NRCAM: variants seen among roughly 807,000 people sequenced by gnomAD.
NRCAM encodes the protein neuronal cell adhesion molecule, also known as NgCAM-related cell adhesion molecule.
Under a neutral mutation model 156.5 loss-of-function variants are expected in NRCAM, and 83 were observed. The ratio of observed to expected loss-of-function variants is 0.53; its 90% CI spans 0.44 to 0.64. The LOEUF is 0.64. Among genes scored for constraint, NRCAM ranks in the 30% least tolerant of loss-of-function variants. NRCAM has a pLI of 0.00. For missense variants in NRCAM, 1,417 were observed against 1,597.3 expected, an observed-to-expected ratio of 0.89 and a Z score of 1.92; for synonymous variants, 538 against 563.9, an observed-to-expected ratio of 0.95 and a Z score of 0.65.
chr7:108,170,906 T>C (rs1356557486), intron 28 of NRCAM, among the ~76,000 whole-genome samples: 2 of 152,192 alleles, frequency 1.3e-5, no homozygotes, highest in African/African-American at 4.8e-5. Context: ...CTTTCAGTTA[T>C]AAGATGAACA....
chr7:108,270,909 T>G (rs2154046170), intron 3 of NRCAM, among the ~76,000 whole-genome samples: 1 of 152,168 alleles, frequency 6.6e-6, no homozygotes, highest in East Asian at 1.9e-4. Flanking sequence ...GGGTTTAGAG[T>G]TTCAGCTGGG....
At chr7:108,263,664 A>C (rs2096969272) in intron 3 of NRCAM, among the ~76,000 whole-genome samples, 1 of 152,236 alleles carries the variant, frequency 6.6e-6, no homozygotes, top group East Asian at 1.9e-4. Context: ...ACCACTTAGG[A>C]AGCTAGAAGT....
At chr7:108,242,151 T>C (rs768777422) in intron 3 of NRCAM, among the ~76,000 whole-genome samples, 6 of 150,046 alleles carry the variant, frequency 4.0e-5, no homozygotes, top group Non-Finnish European at 5.9e-5. Flanking sequence ...GGTGGGTGCC[T>C]GTAACCCCAG....
intron 32 of NRCAM, 146 bp from the exon 33 acceptor site, chr7:108,150,293 C>T (rs992813904): frequency 6.9e-5 from 49 of 705,778 alleles, no homozygotes; most frequent in Admixed American, 4.2e-4. Context: ...ACTCCAATGA[C>T]GAGGATGAGT....
chr7:108,266,693 A>G (rs2097118948), intron 3 of NRCAM, among the ~76,000 whole-genome samples: 1 of 152,174 alleles, frequency 6.6e-6, no homozygotes, highest in Non-Finnish European at 1.5e-5. Flanking sequence ...CAGCTTCTAT[A>G]TTTAGAACTG....
intron 2 of NRCAM, among the ~76,000 whole-genome samples, chr7:108,355,536 T>C (rs537526973): frequency 6.6e-6 from 1 of 152,308 alleles, no homozygotes; most frequent in African/African-American, 2.4e-5. Context: ...AGCTTATCCA[T>C]GTCATCAACT....
chr7:108,417,879 AG>A (rs1259909858), intron 1 of NRCAM, among the ~76,000 whole-genome samples: 1 of 152,172 alleles, frequency 6.6e-6, no homozygotes, highest in African/African-American at 2.4e-5. Flanking sequence ...GCAGCCCTTA[AG>A]CTGCAATGAA....
At chr7:108,410,237 G>T (rs551162303) in intron 1 of NRCAM, among the ~76,000 whole-genome samples, 46 of 152,252 alleles carry the variant, frequency 3.0e-4, no homozygotes, top group African/African-American at 1.1e-3. Context: ...AAATTTGGGT[G>T]TTTCCTTATA....
chr7:108,355,128 T>C (rs1388877645), intron 2 of NRCAM, among the ~76,000 whole-genome samples: 2 of 152,202 alleles, frequency 1.3e-5, no homozygotes, highest in African/African-American at 4.8e-5. Flanking sequence ...AATCTATAAA[T>C]TCATTCAATT....
chr7:108,252,690 A>T (rs1199517690), intron 3 of NRCAM, among the ~76,000 whole-genome samples: 1 of 152,248 alleles, frequency 6.6e-6, no homozygotes, highest in African/African-American at 2.4e-5. Flanking sequence ...AACTAAATCA[A>T]GACACCTAGT....
intron 32 of NRCAM, chr7:108,156,392 T>C: frequency 6.1e-6 from 6 of 984,464 alleles, no homozygotes; most frequent in Non-Finnish European, 6.0e-6. Context: ...CTTACACTCT[T>C]GGTTGCATTG....
rs10665036 is a variant in NRCAM, at chr7:108,300,160, CTTTTTTTTT to C, written c.-107+12496_-107+12504del. ...TAATCCTTCCCCAAATTTCTGTTGA[CTTTTTTTTT>C]TTTTTTTTTTTTTTTTTTTTACAAA... On this transcript the variant is annotated intron_variant, in intron 3 of 32. Coordinates refer to ENST00000379028, the MANE Select transcript of NRCAM (RefSeq NM_001037132.4). 6.5e-3 allele frequency among the ~76,000 whole-genome samples: 427 copies of C among 65,886 alleles called. 28 individuals carry two copies. In the Admixed American group the frequency reaches 0.086, roughly 13 times the overall value. 43.2% of individuals were successfully genotyped at this position (65,886 alleles called of 152,430 possible).
At chr7:108,163,546 G>C (rs1248018471) in intron 30 of NRCAM, among the ~76,000 whole-genome samples, 1 of 152,192 alleles carries the variant, frequency 6.6e-6, no homozygotes, top group Non-Finnish European at 1.5e-5. Flanking sequence ...CTTAACCAAA[G>C]TTTGGAGACA....
At chr7:108,223,676 A>C in intron 11 of NRCAM, 49 bp downstream of exon 11, 1 of 924,812 alleles carries the variant, frequency 1.1e-6, no homozygotes, top group Non-Finnish European at 1.8e-6. Context: ...CTACCAACCT[A>C]CTATATTTTT....
At chr7:108,246,281 AAAAAGAAT>A (rs1420716115) in intron 3 of NRCAM, among the ~76,000 whole-genome samples, 74 of 152,274 alleles carry the variant, frequency 4.9e-4, no homozygotes, top group African/African-American at 1.8e-3. Context: ...TGACCAAGGC[AAAAAGAAT>A]CAGGGTGGGT....
chr7:108,437,566 G>A (rs1268039598), intron 1 of NRCAM, among the ~76,000 whole-genome samples: 1 of 152,018 alleles, frequency 6.6e-6, no homozygotes, highest in Non-Finnish European at 1.5e-5. Flanking sequence ...CACCTACTAT[G>A]TAGCCGCAAA....
chr7:108,393,148 T>C (rs1265943425), intron 2 of NRCAM, among the ~76,000 whole-genome samples: 2 of 152,216 alleles, frequency 1.3e-5, no homozygotes, highest in Non-Finnish European at 2.9e-5. Context: ...TGTTCAGCTA[T>C]GCCCTGCCCC....
chr7:108,318,281 G>A (rs1204885440), intron 2 of NRCAM, among the ~76,000 whole-genome samples: 1 of 151,950 alleles, frequency 6.6e-6, no homozygotes, highest in Non-Finnish European at 1.5e-5. Flanking sequence ...TCCTGACCTT[G>A]TGATGTGCCC....
intron 1 of NRCAM, among the ~76,000 whole-genome samples, chr7:108,417,131 T>C (rs1802570336): frequency 6.6e-6 from 1 of 152,222 alleles, no homozygotes; most frequent in African/African-American, 2.4e-5. Context: ...CTTCCCTCCA[T>C]TTGATCAAAT....
Sources: gnomAD v4.1 joint callset for allele counts (sites outside exome capture counted in the v4.1 genomes callset) on GRCh38, gnomAD v4.1.1 for gene constraint, MANE v1.5 for transcripts, NCBI Gene and HGNC (gene_info 2026-07-23, HGNC 2026-07-21) for gene names.